USP46: variants seen among roughly 807,000 people sequenced by gnomAD.
USP46 encodes the protein ubiquitin specific peptidase 46, also known as ubiquitin carboxyl-terminal hydrolase 46.
A neutral mutation model predicts 44.4 loss-of-function variants in USP46; 12 were observed. The ratio of observed to expected loss-of-function variants is 0.27; its 90% CI spans 0.17 to 0.44. The LOEUF (loss-of-function observed/expected upper bound fraction) is 0.44. Among genes scored for constraint, USP46 ranks in the 20% least tolerant of loss-of-function variants. The pLI, the probability that USP46 is intolerant of heterozygous loss-of-function variation, is 1.00. For synonymous variants in USP46, 155 were observed against 161.5 expected (o/e 0.96, Z 0.31); for missense variants, 248 against 444.8 (o/e 0.56, Z 3.98).
intron 4 of USP46, among the ~76,000 whole-genome samples, chr4:52,616,898 C>T (rs1253564304): frequency 6.6e-6 from 1 of 152,072 alleles, no homozygotes; most frequent in East Asian, 1.9e-4. Context: ...AAAAAGATCA[C>T]AGGAGAAATT....
At position 52,594,670 on chromosome 4, in the gene USP46, G is replaced by A. The variant is rs373052013; in HGVS notation, c.*2970C>T. ...CTCCAATATCTAAAATAAGCCCTAA[G>A]CTCCAGTTAGAACATAGATCATTAT... On this transcript the variant is annotated 3_prime_UTR_variant, in exon 9 of 9. Transcript: ENST00000441222. The A allele has an allele frequency of 2.0e-5, 3 of 152,252 alleles. No individual in the cohort carries two copies. Among genetic ancestry groups the A allele is most frequent in the African/African-American group, 7.2e-5 (3 of 41,550 alleles). The allele number at this position is 152,252 out of a possible 1,614,324, so 9.4% of individuals were successfully genotyped here. A position where few individuals can be genotyped will look rare whatever the true frequency, so the allele number is the denominator to read the frequency against.
At chr4:52,632,906 GAAAGAAAGAA>G in intron 1 of USP46, among the ~76,000 whole-genome samples, 1 of 99,262 alleles carries the variant, frequency 1.0e-5, no homozygotes, top group South Asian at 3.5e-4. Context: ...AAGGGAAAGA[GAAAGAAAGAA>G]AGAGAAAGAA....
chr4:52,618,434 A>G (rs1412136528), intron 4 of USP46, among the ~76,000 whole-genome samples: 1 of 152,038 alleles, frequency 6.6e-6, no homozygotes, highest in Non-Finnish European at 1.5e-5. Flanking sequence ...AGGTTGCAGT[A>G]AGCCAAGATC....
At chr4:52,602,442 A>G (rs544678174) in intron 6 of USP46, among the ~76,000 whole-genome samples, 1 of 152,216 alleles carries the variant, frequency 6.6e-6, no homozygotes, top group Admixed American at 6.5e-5. Flanking sequence ...GAAGCTGGGA[A>G]GAGGACAAGG....
chr4:52,640,439 G>C (rs1351921845), intron 1 of USP46, among the ~76,000 whole-genome samples: 1 of 152,174 alleles, frequency 6.6e-6, no homozygotes, highest in Admixed American at 6.5e-5. Flanking sequence ...CCTAGAAGAA[G>C]AGGAGGTCAA....
At chr4:52,633,002 G>GAAAAGA (rs1553891333) in intron 1 of USP46, among the ~76,000 whole-genome samples, 10 of 117,040 alleles carry the variant, frequency 8.5e-5, no homozygotes, top group East Asian at 7.2e-4. Context: ...AAGAAAGAAA[G>GAAAAGA]AAAGAAAGAA....
chr4:52,632,981 A>AAAGAAAGAAAGAAAGAAAGAAAGAAAGG (rs1717942993), intron 1 of USP46, among the ~76,000 whole-genome samples: 1 of 63,394 alleles, frequency 1.6e-5, no homozygotes, highest in Non-Finnish European at 3.1e-5. Context: ...AGAAAGAAAG[A>AAAGAAAGAAAGAAAGAAAGAAAGAAAGG]AAGAAAAGAA....
At chr4:52,652,257 T>C (rs543330136) in intron 1 of USP46, among the ~76,000 whole-genome samples, 1 of 152,222 alleles carries the variant, frequency 6.6e-6, no homozygotes, top group Non-Finnish European at 1.5e-5. Context: ...TGCAAACATG[T>C]GAAGCAACTG....
At chr4:52,649,886 C>G (rs1033466468) in intron 1 of USP46, among the ~76,000 whole-genome samples, 1 of 152,138 alleles carries the variant, frequency 6.6e-6, no homozygotes, top group African/African-American at 2.4e-5. Flanking sequence ...TCAACTGTGG[C>G]ACTTAAAATA....
chr4:52,612,207 G>T (rs1716962509), intron 4 of USP46, among the ~76,000 whole-genome samples: 1 of 152,318 alleles, frequency 6.6e-6, no homozygotes, highest in South Asian at 2.1e-4. Context: ...CACACTAATT[G>T]AAAAACTAGG....
rs1262883788 is a variant in USP46 at position 52,593,211 on chromosome 4, T to C, written c.*4429A>G. On this transcript the variant is annotated 3_prime_UTR_variant, in exon 9 of 9. Transcript: ENST00000441222. ...AAATTTGAAGAAATGGGAAAATACA[T>C]TCTCTAGAATTTGTGTCACCTTGGT... 6.2e-6 allele frequency: 2 copies of C among 324,352 alleles called. No individual in the cohort carries two copies. Among genetic ancestry groups the C allele is most frequent in the Non-Finnish European group, 1.1e-5 (2 of 180,244 alleles). The allele number at this position is 324,352 out of a possible 1,614,324, so 20.1% of individuals were successfully genotyped here. A position where few individuals can be genotyped will look rare whatever the true frequency, so the allele number is the denominator to read the frequency against.
intron 4 of USP46, 140 bp from the exon 5 acceptor site, chr4:52,610,757 A>G: frequency 1.5e-6 from 1 of 678,868 alleles, no homozygotes; most frequent in East Asian, 2.8e-5. Context: ...ACTCATTGGC[A>G]CCCAGTTACC....
At chr4:52,626,340 T>C in intron 3 of USP46, 93 bp from the exon 4 acceptor site, 4 of 1,119,284 alleles carry the variant, frequency 3.6e-6, no homozygotes, top group Non-Finnish European at 5.0e-6. Context: ...TATTTTTTTT[T>C]TGAGATGGAG....
At chr4:52,621,231 C>T (rs1717363558) in intron 4 of USP46, among the ~76,000 whole-genome samples, 1 of 152,062 alleles carries the variant, frequency 6.6e-6, no homozygotes, top group Admixed American at 6.6e-5. Context: ...AAGTTCAAGC[C>T]AATCTCAGCA....
At chr4:52,602,103 G>C in intron 6 of USP46, 49 bp from the exon 7 acceptor site, 1 of 1,563,472 alleles carries the variant, frequency 6.4e-7, no homozygotes, top group Non-Finnish European at 8.7e-7. Flanking sequence ...ACCTATTAGG[G>C]GAAGAGAATA....
chr4:52,635,931 G>A (rs1259651191), intron 1 of USP46, among the ~76,000 whole-genome samples: 1 of 152,198 alleles, frequency 6.6e-6, no homozygotes, highest in East Asian at 1.9e-4. Flanking sequence ...AGTGATGGGT[G>A]TGTAGGGGTT....
In USP46 at chr4:52,658,979, G is replaced by C. The variant is rs375877717; in HGVS notation, c.36+136C>G. 4.4e-4 allele frequency: 486 copies of C among 1,094,010 alleles called. 5 individuals are homozygous for C. The South Asian group carries it at 5.8e-3, about 13-fold the overall frequency. 67.8% of individuals were successfully genotyped at this position (1,094,010 alleles called of 1,614,324 possible). A position where few individuals can be genotyped will look rare whatever the true frequency, so the allele number is the denominator to read the frequency against. ...GTGGCTGCGGCCGCGCGCCCAGCTCGGGGGCCGGGAACTTCTGGCGGCGCG... is the reference window on the plus strand; with the variant it reads ...GTGGCTGCGGCCGCGCGCCCAGCTCCGGGGCCGGGAACTTCTGGCGGCGCG... On this transcript the variant is annotated intron_variant, in intron 1 of 8. Transcript: ENST00000441222.
rs1716163051 is a variant in USP46, at chr4:52,594,873, T to C, written c.*2767A>G. Reference sequence around the variant, plus strand: ...TTGTGCCTCACTCTCTTTAGACCAGTCCATTTCCTATGACCACAGAAGTGA... The same window carrying C: ...TTGTGCCTCACTCTCTTTAGACCAGCCCATTTCCTATGACCACAGAAGTGA... On this transcript the variant is annotated 3_prime_UTR_variant, in exon 9 of 9. Coordinates refer to ENST00000441222, the MANE Select transcript of USP46 (RefSeq NM_022832.4). 6.6e-6 allele frequency: 1 copy of C among 152,184 alleles called. No homozygotes were observed. The highest frequency in any genetic ancestry group is 2.4e-5 in the African/African-American group (1 of 41,450). The allele number at this position is 152,184 out of a possible 1,614,324, so 9.4% of individuals were successfully genotyped here. A position where few individuals can be genotyped will look rare whatever the true frequency, so the allele number is the denominator to read the frequency against.
At chr4:52,653,447 GT>G (rs1403849951) in intron 1 of USP46, among the ~76,000 whole-genome samples, 1 of 143,530 alleles carries the variant, frequency 7.0e-6, no homozygotes. Flanking sequence ...AGAGGTTGCA[GT>G]GAAGCCATCG....
Sources: allele counts gnomAD v4.1 joint callset (sites outside exome capture counted in the v4.1 genomes callset), GRCh38; gene constraint gnomAD v4.1.1; transcripts MANE v1.5; gene names NCBI Gene and HGNC (gene_info 2026-07-23, HGNC 2026-07-21).